Variants in ZNF556 observed in about 807,000 individuals in gnomAD.
ZNF556 encodes the protein zinc finger protein 556.
In ZNF556, 11 loss-of-function variants were observed where a neutral mutation model predicts 13.6. The ratio of observed to expected loss-of-function variants is 0.81; its 90% CI spans 0.51 to 1.33. ZNF556 has a LOEUF of 1.33. Ranked by LOEUF, ZNF556 falls within the 40% of genes most tolerant of loss-of-function variation. The pLI, the probability that ZNF556 is intolerant of heterozygous loss-of-function variation, is 0.00. For synonymous variants in ZNF556, 229 were observed against 207.8 expected (o/e 1.10, Z -0.88); for missense variants, 633 against 566.2 (o/e 1.12, Z -1.20).
At chr19:2,869,412 G>A (rs1031841185) in intron 1 of ZNF556, among the ~76,000 whole-genome samples, 3 of 151,764 alleles carry the variant, frequency 2.0e-5, no homozygotes, top group South Asian at 2.1e-4. Context: ...TGTCACCGAC[G>A]CTGGAGTGCA....
intron 2 of ZNF556, chr19:2,875,075 C>A (rs2087839502): frequency 6.3e-6 from 1 of 157,612 alleles, no homozygotes; most frequent in South Asian, 1.8e-4. Flanking sequence ...TCAGATGATT[C>A]TGGTTTGGTT....
At chr19:2,870,726 G>A (rs1430975034) in intron 1 of ZNF556, among the ~76,000 whole-genome samples, 23 of 143,678 alleles carry the variant, frequency 1.6e-4, no homozygotes, top group South Asian at 1.3e-3. Flanking sequence ...CAGCCTGGGC[G>A]ACAGAGTGAG....
chr19:2,881,419 T>C lies in ZNF556; in HGVS notation c.*3090T>C, dbSNP rs1378243569. On this transcript the variant is annotated 3_prime_UTR_variant, in exon 4 of 4. Transcript: ENST00000307635. ...GGTGAAACCTTGTCTCTACTAAAAA[T>C]ACAAAAAATTGGCCAGGCGTGGTGG... The C allele has an allele frequency of 6.6e-6, 1 of 151,760 alleles. No homozygotes were observed. Among genetic ancestry groups the C allele is most frequent in the African/African-American group, 2.4e-5 (1 of 41,312 alleles). The allele number at this position is 151,760 out of a possible 1,614,324, so 9.4% of individuals were successfully genotyped here.
At chr19:2,868,908 G>C (rs182825063) in intron 1 of ZNF556, among the ~76,000 whole-genome samples, 7 of 148,908 alleles carry the variant, frequency 4.7e-5, no homozygotes, top group Admixed American at 4.7e-4. Flanking sequence ...TAGTAGAGAC[G>C]GGGTTCCACC....
Position 2,877,998 on chromosome 19 carries a change from G to A in ZNF556, c.1040G>A (p.Ser347Asn), listed in dbSNP as rs776678166. The change falls in exon 4 of 4, where the codon AGC (serine) becomes AAC (asparagine). Residue 347 changes from serine (S) to asparagine (N), a missense_variant. Coordinates refer to ENST00000307635, the MANE Select transcript of ZNF556 (RefSeq NM_024967.3). The stretch of plus-strand genomic sequence containing the variant: ...AAAAAGAAACCTGTGAGTGGGGGCA[G>A]CGTGGGAAAGTCTTCCGCGAGGCCT... ...HAKKKPVSGG[S>N]VGKSSARPRP... 4 of 1,614,026 alleles carry A rather than the reference G, an allele frequency of 2.5e-6. No individual in the cohort carries two copies. Among genetic ancestry groups the A allele is most frequent in the Non-Finnish European group, 3.4e-6 (4 of 1,180,006 alleles).
rs373809373 is a variant in ZNF556, at chr19:2,868,984, G to T, written c.3+1560G>T. On this transcript the variant is annotated intron_variant, in intron 1 of 3. Coordinates refer to ENST00000307635, the MANE Select transcript of ZNF556 (RefSeq NM_024967.3). ...TCCACCCACCTCAGCCTCCCAAAGTGCTGGGATTACAGGCGTGAGCCACCA... is the reference window on the plus strand; with the variant it reads ...TCCACCCACCTCAGCCTCCCAAAGTTCTGGGATTACAGGCGTGAGCCACCA... 1.2e-4 allele frequency among the ~76,000 whole-genome samples: 18 copies of T among 152,276 alleles called. No individual in the cohort carries two copies. In the East Asian group the frequency reaches 2.1e-3, roughly 18 times the overall value.
At chr19:2,867,712 CA>C (rs377752421) in intron 1 of ZNF556, among the ~76,000 whole-genome samples, 1,357 of 85,580 alleles carry the variant, frequency 0.016, 29 homozygotes, top group African/African-American at 0.054. Flanking sequence ...ACCCAAAGTA[CA>C]AAAAACAAAA....
rs556237705 is a variant in ZNF556, at chr19:2,882,292, G to A, written c.*3963G>A. ...AAATACAAAAAATTAGCTGGGCGTG[G>A]TGGCAGGTGCCTGTAGTCCCAGCTA... On this transcript the variant is annotated 3_prime_UTR_variant, in exon 4 of 4. Transcript: ENST00000307635. 1.7e-4 allele frequency: 26 copies of A among 151,780 alleles called. No individual in the cohort carries two copies. The highest frequency in any genetic ancestry group is 6.3e-4 in the African/African-American group (26 of 41,384). The allele number at this position is 151,780 out of a possible 1,614,324, so 9.4% of individuals were successfully genotyped here. A position where few individuals can be genotyped will look rare whatever the true frequency, so the allele number is the denominator to read the frequency against.
intron 1 of ZNF556, among the ~76,000 whole-genome samples, chr19:2,870,228 G>T (rs1026704186): frequency 1.4e-5 from 2 of 143,030 alleles, no homozygotes; most frequent in Non-Finnish European, 3.1e-5. Context: ...AGGTGGATCA[G>T]TTGAGGTCAG....
rs1027996750 is a variant in ZNF556 at position 2,882,321 on chromosome 19, G to C, written c.*3992G>C. 6.6e-6 allele frequency: 1 copy of C among 151,028 alleles called. No individual in the cohort carries two copies. The highest frequency in any genetic ancestry group is 2.4e-5 in the African/African-American group (1 of 41,060). 9.4% of individuals were successfully genotyped at this position (151,028 alleles called of 1,614,324 possible). A position where few individuals can be genotyped will look rare whatever the true frequency, so the allele number is the denominator to read the frequency against. Reference sequence around the variant, plus strand: ...CAGGTGCCTGTAGTCCCAGCTACTCGGGAGGCTGAGGCAGGAGAATGGCGT... The same window carrying C: ...CAGGTGCCTGTAGTCCCAGCTACTCCGGAGGCTGAGGCAGGAGAATGGCGT... On this transcript the variant is annotated 3_prime_UTR_variant, in exon 4 of 4. Coordinates refer to ENST00000307635, the MANE Select transcript of ZNF556 (RefSeq NM_024967.3).
At position 2,882,322 on chromosome 19, in the gene ZNF556, G is replaced by A. The variant is rs1248875842; in HGVS notation, c.*3993G>A. 1.3e-5 allele frequency: 2 copies of A among 151,520 alleles called. No homozygotes were observed. Among genetic ancestry groups the A allele is most frequent in the Non-Finnish European group, 1.5e-5 (1 of 67,956 alleles). 9.4% of individuals were successfully genotyped at this position (151,520 alleles called of 1,614,324 possible). A position where few individuals can be genotyped will look rare whatever the true frequency, so the allele number is the denominator to read the frequency against. On this transcript the variant is annotated 3_prime_UTR_variant, in exon 4 of 4. Transcript: ENST00000307635. ...AGGTGCCTGTAGTCCCAGCTACTCGGGAGGCTGAGGCAGGAGAATGGCGTG... is the reference window on the plus strand; with the variant it reads ...AGGTGCCTGTAGTCCCAGCTACTCGAGAGGCTGAGGCAGGAGAATGGCGTG...
rs377473681 is a variant in ZNF556, at chr19:2,877,396, G to A, written c.438G>A (p.Arg146=). Residue 146 remains arginine (R), a synonymous_variant, in exon 4 of 4, where the codon CGG becomes CGA. Transcript: ENST00000307635. ...AGAATTGTTGTACTAGTGTAAGACG[G>A]TACGAATGCAGTCAGTGTGGAAAAC... ...LRKNCCTSVR[R]YECSQCGKLF... 3 of 1,614,046 alleles carry A rather than the reference G, an allele frequency of 1.9e-6. No homozygotes were observed. The African/African-American group carries it at 4.0e-5, about 22-fold the overall frequency.
Position 2,878,509 on chromosome 19 carries a change from A to ATGTTAATACTTTCTACTTATACAGGC in ZNF556, c.*180_*181insTGTTAATACTTTCTACTTATACAGGC, listed in dbSNP as rs1568355479. Reference sequence around the variant, plus strand: ...GGTGAAACCCCGTCTCTACTAAAAAAAAAAAAAATACAAAAAATTAGCCGG... The same window carrying ATGTTAATACTTTCTACTTATACAGGC: ...GGTGAAACCCCGTCTCTACTAAAAAATGTTAATACTTTCTACTTATACAGGCAAAAAAAATACAAAAAATTAGCCGG... On this transcript the variant is annotated 3_prime_UTR_variant, in exon 4 of 4. Coordinates refer to ENST00000307635, the MANE Select transcript of ZNF556 (RefSeq NM_024967.3). The ATGTTAATACTTTCTACTTATACAGGC allele has an allele frequency of 1.9e-6, 1 of 526,786 alleles. No homozygotes were observed. Among genetic ancestry groups the ATGTTAATACTTTCTACTTATACAGGC allele is most frequent in the Non-Finnish European group, 3.2e-6 (1 of 309,742 alleles). 32.6% of individuals were successfully genotyped at this position (526,786 alleles called of 1,614,324 possible). A position where few individuals can be genotyped will look rare whatever the true frequency, so the allele number is the denominator to read the frequency against.
chr19:2,872,530 C>T (rs1389826479), intron 1 of ZNF556, among the ~76,000 whole-genome samples: 1 of 152,088 alleles, frequency 6.6e-6, no homozygotes, highest in African/African-American at 2.4e-5. Context: ...AGAGTAAGTA[C>T]TACTAACTGA....
Position 2,878,279 on chromosome 19 carries a change from C to T in ZNF556, c.1321C>T (p.Gln441Ter). Residue 441 changes from glutamine (Q) to a stop codon, truncating the protein, a stop_gained, in exon 4 of 4, where the codon CAA becomes TAA. Transcript: ENST00000307635. LOFTEE classifies it low-confidence loss of function (END_TRUNC). ...AGCTTTCAGTTGTCCCAAAGCCTTT[C>T]AAGGTCATGTGAGAAGTCACACAGG... ...GKAFSCPKAF[Q>*]GHVRSHTGKK... 1 of 1,614,132 alleles carries T rather than the reference C, an allele frequency of 6.2e-7. No individual in the cohort carries two copies. The highest frequency in any genetic ancestry group is 8.5e-7 in the Non-Finnish European group (1 of 1,180,030).
chr19:2,869,759 A>G lies in ZNF556; in HGVS notation c.3+2335A>G, dbSNP rs78786865. On this transcript the variant is annotated intron_variant, in intron 1 of 3. Coordinates refer to ENST00000307635, the MANE Select transcript of ZNF556 (RefSeq NM_024967.3). The stretch of plus-strand genomic sequence containing the variant: ...TCATCTAGTGCGGCTTTCGCCTCCT[A>G]ACTGGTGTCCCGGTGTCTGTATGTG... Among the ~76,000 whole-genome samples the G allele has an allele frequency of 2.6e-3, 401 of 152,128 alleles. 1 individual carries two copies. The highest frequency in any genetic ancestry group is 8.8e-3 in the African/African-American group (366 of 41,518).
intron 3 of ZNF556, among the ~76,000 whole-genome samples, chr19:2,877,058 C>T (rs986272121): frequency 2.0e-5 from 3 of 151,696 alleles, no homozygotes; most frequent in Admixed American, 1.3e-4. Context: ...ACCAAAAATA[C>T]AAAAATTAGC....
Position 2,882,531 on chromosome 19 carries a change from A to ATATATATATATATAGTGTGTGT in ZNF556, c.*4202_*4203insTATATATATATATAGTGTGTGT, listed in dbSNP as rs57053138. The ATATATATATATATAGTGTGTGT allele has an allele frequency of 4.7e-5, 6 of 127,724 alleles. No individual in the cohort carries two copies. The highest frequency in any genetic ancestry group is 3.9e-3 in the Middle Eastern group (1 of 256). 7.9% of individuals were successfully genotyped at this position (127,724 alleles called of 1,614,324 possible). ...ATACATTTTATATATATATATATAT[A>ATATATATATATATAGTGTGTGT]GTGTGTGTGTGTGTGTGTGTGTGTG... On this transcript the variant is annotated 3_prime_UTR_variant, in exon 4 of 4. Transcript: ENST00000307635.
chr19:2,873,929 C>A (rs1337990841), intron 2 of ZNF556, among the ~76,000 whole-genome samples: 4 of 151,874 alleles, frequency 2.6e-5, no homozygotes, highest in African/African-American at 4.8e-5. Flanking sequence ...TGTACTCCAG[C>A]CAGGGTGACA....
Sources: allele counts gnomAD v4.1 joint callset (sites outside exome capture counted in the v4.1 genomes callset), GRCh38; gene constraint gnomAD v4.1.1; transcripts MANE v1.5; gene names NCBI Gene and HGNC (gene_info 2026-07-23, HGNC 2026-07-21).